The following POTEF variants were observed in gnomAD, a reference collection of about 807,000 sequenced individuals.
POTEF encodes POTE ankyrin domain family member F, also known as ANKRD26-like family C member 1B.
In POTEF, 20 loss-of-function variants were observed where a neutral mutation model predicts 83.2. That is an observed-to-expected ratio of 0.24 (90% CI 0.17 to 0.35). The LOEUF (loss-of-function observed/expected upper bound fraction) is 0.35. Ranked by LOEUF, POTEF falls within the 10% of genes least tolerant of loss-of-function variation. POTEF has a pLI of 1.00. For missense variants in POTEF, 550 were observed against 1,203.2 expected (o/e 0.46, Z 8.03); for synonymous variants, 196 against 446.4 (o/e 0.44, Z 7.07).
At chr2:130,102,695 C>CAAA (rs1684407103) in intron 8 of POTEF, among the ~76,000 whole-genome samples, 1 of 150,658 alleles carries the variant, frequency 6.6e-6, no homozygotes, top group Non-Finnish European at 1.5e-5. Context: ...CTCCCCTTCC[C>CAAA]CTCAGCATTC....
At chr2:130,094,665 C>T (rs1263993429) in intron 11 of POTEF, among the ~76,000 whole-genome samples, 2 of 22,984 alleles carry the variant, frequency 8.7e-5, no homozygotes, top group Admixed American at 1.1e-3. Context: ...TTTGTGTGGC[C>T]GCCTTATGCA....
rs764036393 is a variant in POTEF at position 130,075,390 on chromosome 2, T to C, written c.2082A>G (p.Leu694=). The change falls in exon 17 of 17, where the codon CTA becomes CTG. Residue 694 remains leucine (L), a synonymous_variant. Transcript: ENST00000409914. The part of the protein sequence containing the change: ...KKRNDNLLKA[L]QLNELTMDDD... ...CATCCATGGTGAGCTCATTCAATTG[T>C]AGAGCCTTTAAAAGATTATCATTCC... 34 of 1,611,744 alleles carry C rather than the reference T, an allele frequency of 2.1e-5. No individual in the cohort carries two copies. Among genetic ancestry groups the C allele is most frequent in the Non-Finnish European group, 5.1e-6 (6 of 1,179,766 alleles).
At chr2:130,076,879 TCACTA>T (rs1160817148) in intron 16 of POTEF, among the ~76,000 whole-genome samples, 197 bp downstream of exon 16, 4 of 151,114 alleles carry the variant, frequency 2.6e-5, no homozygotes, top group Admixed American at 6.6e-5. Context: ...ATTGTGCAGG[TCACTA>T]CTCAACTGTT....
intron 8 of POTEF, among the ~76,000 whole-genome samples, chr2:130,107,068 T>C (rs1285967492): frequency 1.3e-5 from 2 of 148,298 alleles, no homozygotes; most frequent in African/African-American, 2.6e-5. Flanking sequence ...GTTTGGACAA[T>C]ATAATGTATT....
chr2:130,112,798 G>C (rs1370400426), intron 5 of POTEF, among the ~76,000 whole-genome samples: 1 of 149,716 alleles, frequency 6.7e-6, no homozygotes, highest in Non-Finnish European at 1.5e-5. Flanking sequence ...ACACTGGATA[G>C]TCCATAATAC....
Position 130,078,316 on chromosome 2 carries a change from G to C in POTEF, c.1779-1115C>G, listed in dbSNP as rs1458190526. Among the ~76,000 whole-genome samples, 4 of 90,572 alleles carry C rather than the reference G, an allele frequency of 4.4e-5. 1 individual carries two copies. Among genetic ancestry groups the C allele is most frequent in the African/African-American group, 1.6e-4 (4 of 24,392 alleles). The allele number at this position is 90,572 out of a possible 152,430, so 59.4% of individuals were successfully genotyped here. ...ACTATACATCAACTACAACCAAGCTGAGAGTTCATATCAACAATCCAATCC... is the reference window on the plus strand; with the variant it reads ...ACTATACATCAACTACAACCAAGCTCAGAGTTCATATCAACAATCCAATCC... On this transcript the variant is annotated intron_variant, in intron 15 of 16. Transcript: ENST00000409914.
intron 8 of POTEF, among the ~76,000 whole-genome samples, chr2:130,104,939 A>G (rs1243391309): frequency 6.6e-6 from 1 of 151,018 alleles, no homozygotes; most frequent in African/African-American, 2.5e-5. Flanking sequence ...TCCTACATGA[A>G]TTTTCCATTA....
In POTEF at chr2:130,120,057, G is replaced by A. The variant is rs1208833671; in HGVS notation, c.459C>T (p.Pro153=). ...TGAGCATGACGATGAGATCCTTTCTGGGGACTTTACCCCACCAGGCAGCTC... is the reference window on the plus strand; with the variant it reads ...TGAGCATGACGATGAGATCCTTTCTAGGGACTTTACCCCACCAGGCAGCTC... ...LHRAAWWGKV[P]RKDLIVMLRD... The change falls in exon 3 of 17, where the codon CCC becomes CCT. Residue 153 remains proline, a synonymous_variant. Transcript: ENST00000409914. The A allele has an allele frequency of 6.3e-7, 1 of 1,584,816 alleles. No homozygotes were observed. The highest frequency in any genetic ancestry group is 2.3e-5 in the East Asian group (1 of 44,250).
intron 6 of POTEF, among the ~76,000 whole-genome samples, chr2:130,111,445 T>A (rs1684708445): frequency 6.6e-6 from 1 of 151,974 alleles, no homozygotes; most frequent in South Asian, 2.1e-4. Flanking sequence ...CAAAATACAC[T>A]GGAAAAACAA....
chr2:130,110,099 G>A (rs377435923), intron 7 of POTEF, among the ~76,000 whole-genome samples: 30 of 151,396 alleles, frequency 2.0e-4, no homozygotes, highest in East Asian at 1.9e-3. Flanking sequence ...TTGATAAAAG[G>A]GACTGTCTTC....
intron 8 of POTEF, among the ~76,000 whole-genome samples, chr2:130,105,224 A>G (rs1684488780): frequency 1.3e-5 from 2 of 150,862 alleles, no homozygotes; most frequent in South Asian, 4.2e-4. Context: ...TTTATTTAAA[A>G]AAAAGCCTGC....
intron 4 of POTEF, 50 bp downstream of exon 4, chr2:130,115,164 T>G: frequency 1.2e-6 from 2 of 1,612,300 alleles, no homozygotes; most frequent in Non-Finnish European, 1.7e-6. Context: ...TTTTATGCCA[T>G]GTATTGAAAT....
chr2:130,122,085 C>T lies in POTEF; in HGVS notation c.-93-1477G>A, dbSNP rs567515152. Among the ~76,000 whole-genome samples, 359 of 150,062 alleles carry T rather than the reference C, an allele frequency of 2.4e-3. 2 individuals are homozygous for T. The highest frequency in any genetic ancestry group is 8.1e-3 in the African/African-American group (331 of 40,718). On this transcript the variant is annotated intron_variant, in intron 2 of 16. Transcript: ENST00000409914. ...AAGTGGAATCATAATAATATAGTTACGTGTGACTTACTACTTTCATTTATC... is the reference window on the plus strand; with the variant it reads ...AAGTGGAATCATAATAATATAGTTATGTGTGACTTACTACTTTCATTTATC...
Position 130,073,916 on chromosome 2 carries a change from C to T in POTEF, c.*328G>A. ...GTGTGAACTAGGGAGAGGACTGGGCCATTCTCCTTAGAGAGAAGTGGGGTG... is the reference window on the plus strand; with the variant it reads ...GTGTGAACTAGGGAGAGGACTGGGCTATTCTCCTTAGAGAGAAGTGGGGTG... On this transcript the variant is annotated 3_prime_UTR_variant, in exon 17 of 17. Coordinates refer to ENST00000409914, the MANE Select transcript of POTEF (RefSeq NM_001099771.2). 2.0e-6 allele frequency: 1 copy of T among 500,168 alleles called. No individual in the cohort carries two copies. The highest frequency in any genetic ancestry group is 3.6e-6 in the Non-Finnish European group (1 of 276,436). 31.0% of individuals were successfully genotyped at this position (500,168 alleles called of 1,614,324 possible). A position where few individuals can be genotyped will look rare whatever the true frequency, so the allele number is the denominator to read the frequency against.
At chr2:130,121,134 C>CGGCGTGCG (rs1037848223) in intron 2 of POTEF, among the ~76,000 whole-genome samples, 2 of 151,558 alleles carry the variant, frequency 1.3e-5, no homozygotes, top group African/African-American at 4.9e-5. Flanking sequence ...CGTGCGCGTG[C>CGGCGTGCG]GCGTGCGGCG....
chr2:130,120,681 C>G, intron 2 of POTEF, 73 bp from the exon 3 acceptor site: 3 of 1,247,974 alleles, frequency 2.4e-6, no homozygotes, highest in South Asian at 1.5e-5. Context: ...CAGCCCACCC[C>G]ACCCAGGGAA....
chr2:130,113,938 G>A (rs1181733940), intron 5 of POTEF, among the ~76,000 whole-genome samples: 1 of 151,832 alleles, frequency 6.6e-6, no homozygotes, highest in African/African-American at 2.4e-5. Flanking sequence ...TCCCCGGTAA[G>A]AGAAGAACAG....
chr2:130,114,357 C>A (rs1684786521), intron 5 of POTEF, among the ~76,000 whole-genome samples: 1 of 150,462 alleles, frequency 6.6e-6, no homozygotes, highest in African/African-American at 2.5e-5. Context: ...TCCAAATTGG[C>A]CTTGATATTT....
intron 12 of POTEF, among the ~76,000 whole-genome samples, chr2:130,093,066 T>C (rs1303182132): frequency 3.5e-5 from 5 of 144,628 alleles, no homozygotes; most frequent in Non-Finnish European, 1.5e-5. Flanking sequence ...CATTAGATAC[T>C]CATAGGAGCA....
Sources: gnomAD v4.1 joint callset for allele counts (sites outside exome capture counted in the v4.1 genomes callset) on GRCh38, gnomAD v4.1.1 for gene constraint, MANE v1.5 for transcripts, NCBI Gene and HGNC (gene_info 2026-07-23, HGNC 2026-07-21) for gene names.